The following ZNF419 variants were observed in gnomAD, a reference collection of about 807,000 sequenced individuals.
The protein encoded by ZNF419 is zinc finger protein 419A.
Under a neutral mutation model 14.9 loss-of-function variants are expected in ZNF419, and 8 were observed. The ratio of observed to expected loss-of-function variants is 0.54; its 90% confidence interval spans 0.32 to 0.97. The LOEUF is 0.97. ZNF419 is among the 50% of genes least tolerant of loss of function. The pLI is 0.04. For synonymous variants in ZNF419, 211 were observed against 205.3 expected, an observed-to-expected ratio of 1.03 and a Z score of -0.24; for missense variants, 595 against 607.2, an observed-to-expected ratio of 0.98 and a Z score of 0.21.
chr19:57,487,929 C>G lies in ZNF419; in HGVS notation c.-22C>G, dbSNP rs756301318. On this transcript the variant is annotated 5_prime_UTR_variant, in exon 1 of 5. Coordinates refer to ENST00000221735, the MANE Select transcript of ZNF419 (RefSeq NM_024691.4). ...CCTTTCCTCGGTCATTGTCTCCCCT[C>G]CAGCTCTACTCACAGGCTCCGATGG... is the stretch of plus-strand genomic sequence containing the variant. 2 of 1,613,342 alleles carry G rather than the reference C, an allele frequency of 1.2e-6. No homozygotes were observed. Among genetic ancestry groups the G allele is most frequent in the Middle Eastern group, 1.6e-4 (1 of 6,062 alleles).
At chr19:57,488,574 TG>T (rs1413447957) in intron 1 of ZNF419, 45 of 152,528 alleles carry the variant, frequency 3.0e-4, no homozygotes, top group African/African-American at 8.7e-4. Context: ...TATTTTTGTT[TG>T]TTTGTTCCTG....
chr19:57,494,185 A>G lies in ZNF419; in HGVS notation c.*95A>G, dbSNP rs2089577513. On this transcript the variant is annotated 3_prime_UTR_variant, in exon 5 of 5. Transcript: ENST00000221735. ...TGAAGGTAACAGATGGAAATCCGTT[A>G]GCCACACCTCCAGTCTCATTCAACA... 2.7e-6 allele frequency: 4 copies of G among 1,492,644 alleles called. No homozygotes were observed. In the East Asian group the frequency reaches 9.0e-5, roughly 34 times the overall value. The allele number at this position is 1,492,644 out of a possible 1,614,324, so 92.5% of individuals were successfully genotyped here.
intron 2 of ZNF419, 99 bp from the exon 3 acceptor site, chr19:57,491,372 G>A: frequency 6.4e-7 from 1 of 1,556,238 alleles, no homozygotes. Context: ...CTGAGATGGG[G>A]ATTAAGGAAG....
In ZNF419 at chr19:57,487,964, C is replaced by A. The variant is rs373519441; in HGVS notation, c.14C>A (p.Ala5Asp). The change falls in exon 1 of 5, where the codon GCC becomes GAC. Residue 5 changes from alanine to aspartate, a missense_variant. Coordinates refer to ENST00000221735, the MANE Select transcript of ZNF419 (RefSeq NM_024691.4). ...TCACAGGCTCCGATGGCGGCGGCCG[C>A]CCTGAGGGACCCCGCTCAGGTGAGC... MAAA[A>D]LRDPAQVPVA... 6.2e-7 allele frequency: 1 copy of A among 1,613,796 alleles called. No homozygotes were observed. Among genetic ancestry groups the A allele is most frequent in the East Asian group, 2.2e-5 (1 of 44,860 alleles).
chr19:57,490,344 C>G (rs1209499250), intron 2 of ZNF419, 159 bp downstream of exon 2: 5 of 540,390 alleles, frequency 9.3e-6, no homozygotes, highest in Non-Finnish European at 9.8e-6. Flanking sequence ...TGAGTCCAGA[C>G]TATATATTAT....
chr19:57,494,674 G>T lies in ZNF419; in HGVS notation c.*584G>T. On this transcript the variant is annotated 3_prime_UTR_variant, in exon 5 of 5. Coordinates refer to ENST00000221735, the MANE Select transcript of ZNF419 (RefSeq NM_024691.4). ...ATATTTATTTCCCATACACCCTTAT[G>T]ACCATTTCCAGAGACTGAATTGTGT... The T allele has an allele frequency of 1.2e-5, 2 of 173,594 alleles. No homozygotes were observed. The highest frequency in any genetic ancestry group is 3.6e-4 in the South Asian group (2 of 5,550). The allele number at this position is 173,594 out of a possible 1,614,324, so 10.8% of individuals were successfully genotyped here.
At position 57,487,902 on chromosome 19, in the gene ZNF419, G is replaced by A; in HGVS notation, c.-49G>A. On this transcript the variant is annotated 5_prime_UTR_variant, in exon 1 of 5. Transcript: ENST00000221735. ...GGTGGCGGCGCCCAGGGTGGCCCGG[G>A]CCCTTTCCTCGGTCATTGTCTCCCC... The A allele has an allele frequency of 3.7e-6, 6 of 1,613,412 alleles. No individual in the cohort carries two copies. The highest frequency in any genetic ancestry group is 5.1e-6 in the Non-Finnish European group (6 of 1,179,618).
Position 57,493,285 on chromosome 19 carries a change from T to C in ZNF419, c.728T>C (p.Met243Thr), listed in dbSNP as rs771016265. 1.2e-6 allele frequency: 2 copies of C among 1,614,164 alleles called. No individual in the cohort carries two copies. Among genetic ancestry groups the C allele is most frequent in the Non-Finnish European group, 1.7e-6 (2 of 1,180,028 alleles). Residue 243 changes from methionine (M) to threonine (T), a missense_variant, in exon 5 of 5, where the codon ATG (methionine) becomes ACG (threonine). By Grantham distance (81) the Met-to-Thr change is moderately conservative. Coordinates refer to ENST00000221735, the MANE Select transcript of ZNF419 (RefSeq NM_024691.4). ...CSECGKLFRD[M>T]SNLFIHQIVH... is the part of the protein sequence containing the mutation. ...GAATGTGGGAAGTTATTTAGAGATATGTCCAACCTTTTTATACACCAAATA... is the reference window on the plus strand; with the variant it reads ...GAATGTGGGAAGTTATTTAGAGATACGTCCAACCTTTTTATACACCAAATA...
chr19:57,493,918 C>CT lies in ZNF419; in HGVS notation c.1365dup (p.Lys456Ter). On this transcript the variant is annotated frameshift_variant, in exon 5 of 5. Coordinates refer to ENST00000221735, the MANE Select transcript of ZNF419 (RefSeq NM_024691.4). LOFTEE classifies it low-confidence loss of function (END_TRUNC). ...CGAAAAGTTCACATTGGAGAAAAGC[C>CT]TTTTAAGTGCAATGAATGTGGGAGA... is the stretch of plus-strand genomic sequence containing the variant. The CT allele has an allele frequency of 6.2e-7, 1 of 1,613,006 alleles. No individual in the cohort carries two copies. The highest frequency in any genetic ancestry group is 1.7e-5 in the Admixed American group (1 of 59,852).
intron 2 of ZNF419, 107 bp from the exon 3 acceptor site, chr19:57,491,364 G>T: frequency 1.3e-6 from 2 of 1,539,014 alleles, no homozygotes; most frequent in Non-Finnish European, 1.8e-6. Context: ...TCTCTCCTCT[G>T]AGATGGGGAT....
Position 57,491,496 on chromosome 19 carries a change from CT to C in ZNF419, c.99del (p.Val34SerfsTer22). On this transcript the variant is annotated frameshift_variant, in exon 3 of 5. Coordinates refer to ENST00000221735, the MANE Select transcript of ZNF419 (RefSeq NM_024691.4). LOFTEE classifies it high-confidence loss of function. ...EEGYVTFEDV[A>X]VYFSQEEWRL... ...GGCTATGTGACCTTTGAGGATGTGG[CT>C]GTCTACTTCTCCCAGGAGGAATGGA... is the stretch of plus-strand genomic sequence containing the variant. The C allele has an allele frequency of 6.2e-7, 1 of 1,614,110 alleles. No homozygotes were observed. Among genetic ancestry groups the C allele is most frequent in the Non-Finnish European group, 8.5e-7 (1 of 1,180,020 alleles).
chr19:57,493,548 A>G lies in ZNF419; in HGVS notation c.991A>G (p.Met331Val). 6.2e-7 allele frequency: 1 copy of G among 1,608,302 alleles called. No individual in the cohort carries two copies. The highest frequency in any genetic ancestry group is 1.3e-5 in the African/African-American group (1 of 74,932). The change falls in exon 5 of 5, where the codon ATG (methionine) becomes GTG (valine). Residue 331 changes from methionine (M) to valine (V), a missense_variant. Transcript: ENST00000221735. Reference protein sequence around the residue: ...GKLFSFNSSLMKHQRIHTGER... With the variant: ...GKLFSFNSSLVKHQRIHTGER... Reference sequence around the variant, plus strand: ...ATTGTTTAGTTTCAACTCCAGCCTCATGAAACATCAGAGAATTCACACTGG... The same window carrying G: ...ATTGTTTAGTTTCAACTCCAGCCTCGTGAAACATCAGAGAATTCACACTGG...
In ZNF419 at chr19:57,493,689, A is replaced by G; in HGVS notation, c.1132A>G (p.Lys378Glu). The change falls in exon 5 of 5, where the codon AAA becomes GAA. Residue 378 changes from lysine (K) to glutamate (E), a missense_variant. By Grantham distance (56) the Lys-to-Glu change is moderately conservative. Coordinates refer to ENST00000221735, the MANE Select transcript of ZNF419 (RefSeq NM_024691.4). ...ERPYKCSDCG[K>E]FFTQCSSLMQ... The stretch of plus-strand genomic sequence containing the variant: ...GCCTTACAAGTGCAGCGACTGTGGG[A>G]AATTTTTTACCCAATGCTCAAGCCT... 6.2e-7 allele frequency: 1 copy of G among 1,614,154 alleles called. No homozygotes were observed. Among genetic ancestry groups the G allele is most frequent in the Middle Eastern group, 1.6e-4 (1 of 6,062 alleles).
At chr19:57,491,864 C>G (rs2123204095) in intron 3 of ZNF419, 1 of 671,528 alleles carries the variant, frequency 1.5e-6, no homozygotes, top group South Asian at 1.7e-5. Flanking sequence ...CTCTCTGTGG[C>G]CTGGTGACAC....
intron 2 of ZNF419, 50 bp from the exon 3 acceptor site, chr19:57,491,421 T>TGC: frequency 3.1e-6 from 5 of 1,606,372 alleles, no homozygotes; most frequent in Non-Finnish European, 4.3e-6. Context: ...GATGCCTAAA[T>TGC]TTCCCAGTAA....
chr19:57,489,919 G>A (rs546024546), intron 1 of ZNF419: 82 of 544,662 alleles, frequency 1.5e-4, no homozygotes, highest in African/African-American at 8.7e-4. Context: ...ACAAACAATC[G>A]TCCTATTGAG....
In ZNF419 at chr19:57,493,307, A is replaced by C. The variant is rs1358897842; in HGVS notation, c.750A>C (p.Gln250His). ...ATATGTCCAACCTTTTTATACACCAAATAGTTCACACTGGAGAAAGGCCTT... is the reference window on the plus strand; with the variant it reads ...ATATGTCCAACCTTTTTATACACCACATAGTTCACACTGGAGAAAGGCCTT... ...FRDMSNLFIH[Q>H]IVHTGERPYG... is the part of the protein sequence containing the mutation. Residue 250 changes from glutamine (Q) to histidine (H), a missense_variant, in exon 5 of 5, where the codon CAA becomes CAC. Transcript: ENST00000221735. The C allele has an allele frequency of 1.2e-6, 2 of 1,614,082 alleles. No homozygotes were observed. The highest frequency in any genetic ancestry group is 2.7e-5 in the African/African-American group (2 of 74,936).
In ZNF419 at chr19:57,494,145, CA is replaced by C. The variant is rs1393513708; in HGVS notation, c.*56del. The C allele has an allele frequency of 6.5e-6, 10 of 1,537,116 alleles. No individual in the cohort carries two copies. In the East Asian group the frequency reaches 2.0e-4, roughly 31 times the overall value. On this transcript the variant is annotated 3_prime_UTR_variant, in exon 5 of 5. Coordinates refer to ENST00000221735, the MANE Select transcript of ZNF419 (RefSeq NM_024691.4). ...ACCTCATTCAACACCAGAAAGTTCACAGTGGAAAAAATCTTGAAGGTAACAG... is the reference window on the plus strand; with the variant it reads ...ACCTCATTCAACACCAGAAAGTTCACGTGGAAAAAATCTTGAAGGTAACAG...
At chr19:57,490,273 G>A in intron 2 of ZNF419, 88 bp downstream of exon 2, 1 of 1,303,724 alleles carries the variant, frequency 7.7e-7, no homozygotes, top group Non-Finnish European at 1.1e-6. Flanking sequence ...CTCCTTGCTG[G>A]CTATTCTCCC....
Sources: gnomAD v4.1 joint callset for allele counts on GRCh38, gnomAD v4.1.1 for gene constraint, MANE v1.5 for transcripts, NCBI Gene and HGNC (gene_info 2026-07-23, HGNC 2026-07-21) for gene names.